The following DROSHA variants were observed in gnomAD, a reference collection of about 807,000 sequenced individuals.
DROSHA encodes the protein drosha ribonuclease III, also known as ribonuclease 3.
In DROSHA, 56 loss-of-function variants were observed where a neutral mutation model predicts 181.9. The observed-to-expected ratio is 0.31, with a 90% CI of 0.25 to 0.38. The LOEUF (loss-of-function observed/expected upper bound fraction) is 0.38. DROSHA is among the 10% of genes least tolerant of loss of function. DROSHA has a pLI of 1.00. For missense variants in DROSHA, 1,218 were observed against 1,743.5 expected, an observed-to-expected ratio of 0.70 and a Z score of 5.37; for synonymous variants, 524 against 591.2, an observed-to-expected ratio of 0.89 and a Z score of 1.65.
intron 17 of DROSHA, among the ~76,000 whole-genome samples, chr5:31,469,923 A>G (rs1012789775): frequency 6.6e-6 from 1 of 152,206 alleles, no homozygotes; most frequent in Non-Finnish European, 1.5e-5. Flanking sequence ...ATTTTTAATA[A>G]ATTTCCCAAT....
chr5:31,493,708 G>A (rs1194044043), intron 12 of DROSHA, among the ~76,000 whole-genome samples: 1 of 152,118 alleles, frequency 6.6e-6, no homozygotes, highest in Non-Finnish European at 1.5e-5. Context: ...GTGGAGACTA[G>A]CAACAGCCTA....
Position 31,479,571 on chromosome 5 carries a change from C to G in DROSHA, c.2071+3983G>C, listed in dbSNP as rs1406310417. Among the ~76,000 whole-genome samples, 3 of 151,992 alleles carry G rather than the reference C, an allele frequency of 2.0e-5. No individual in the cohort carries two copies. In the East Asian group the frequency reaches 5.8e-4, roughly 29 times the overall value. On this transcript the variant is annotated intron_variant, in intron 16 of 35. Coordinates refer to ENST00000344624, the MANE Select transcript of DROSHA (RefSeq NM_001382508.1). ...AATTTCATAAATATGATACAAAAAG[C>G]TCTAATCATAAAGGAATATATATCT...
intron 30 of DROSHA, among the ~76,000 whole-genome samples, chr5:31,415,867 C>G (rs1741877755): frequency 6.6e-6 from 1 of 152,170 alleles, no homozygotes; most frequent in Non-Finnish European, 1.5e-5. Flanking sequence ...CAATTTATAC[C>G]TTGACCCTAC....
intron 8 of DROSHA, among the ~76,000 whole-genome samples, chr5:31,512,221 T>C (rs1292291717): frequency 2.0e-5 from 3 of 152,172 alleles, no homozygotes; most frequent in African/African-American, 7.2e-5. Context: ...CCCATCTCAT[T>C]GTTGGGAGTG....
intron 23 of DROSHA, among the ~76,000 whole-genome samples, chr5:31,446,851 C>G (rs1338482898): frequency 6.6e-6 from 1 of 152,092 alleles, no homozygotes; most frequent in Admixed American, 6.6e-5. Context: ...ACCAGCCTGG[C>G]CAACATGGCG....
At chr5:31,447,324 A>C (rs1449290371) in intron 23 of DROSHA, among the ~76,000 whole-genome samples, 1 of 152,204 alleles carries the variant, frequency 6.6e-6, no homozygotes, top group Non-Finnish European at 1.5e-5. Flanking sequence ...CTGTACAACA[A>C]ACCCCCATGA....
At chr5:31,403,734 G>C (rs1051538271) in intron 35 of DROSHA, among the ~76,000 whole-genome samples, 1 of 152,194 alleles carries the variant, frequency 6.6e-6, no homozygotes. Flanking sequence ...CCAGTGGGCT[G>C]CAATGGCAGA....
At chr5:31,402,752 T>G (rs1740169414) in intron 35 of DROSHA, among the ~76,000 whole-genome samples, 1 of 152,198 alleles carries the variant, frequency 6.6e-6, no homozygotes, top group Non-Finnish European at 1.5e-5. Flanking sequence ...AGGTGGGGAA[T>G]CAGCAAAGAC....
chr5:31,505,042 T>A (rs985413532), intron 10 of DROSHA, among the ~76,000 whole-genome samples: 2 of 152,208 alleles, frequency 1.3e-5, no homozygotes, highest in Non-Finnish European at 2.9e-5. Context: ...GCGGATTCAA[T>A]GTTTCAAAAA....
chr5:31,473,133 A>T (rs1441257816), intron 16 of DROSHA, among the ~76,000 whole-genome samples: 1 of 152,252 alleles, frequency 6.6e-6, no homozygotes, highest in Non-Finnish European at 1.5e-5. Context: ...GGCTATGAAC[A>T]GTAGTACAGG....
At chr5:31,496,504 T>C (rs1752994052) in intron 11 of DROSHA, among the ~76,000 whole-genome samples, 1 of 152,200 alleles carries the variant, frequency 6.6e-6, no homozygotes, top group Admixed American at 6.5e-5. Context: ...GGTGCCCCAG[T>C]CCCATGGAGG....
chr5:31,472,576 C>A (rs578192476), intron 16 of DROSHA, among the ~76,000 whole-genome samples: 1 of 152,194 alleles, frequency 6.6e-6, no homozygotes, highest in African/African-American at 2.4e-5. Flanking sequence ...TATACAGAAC[C>A]ATGTTAGGTC....
chr5:31,530,531 G>A (rs1274870156), intron 3 of DROSHA, among the ~76,000 whole-genome samples: 4 of 148,932 alleles, frequency 2.7e-5, no homozygotes, highest in East Asian at 2.0e-4. Context: ...CTTTGCTCCC[G>A]TTCTCCTCTC....
At chr5:31,486,464 C>T in intron 14 of DROSHA, 27 bp downstream of exon 14, 1 of 1,607,506 alleles carries the variant, frequency 6.2e-7, no homozygotes, top group South Asian at 1.1e-5. Context: ...CAAACTACAT[C>T]AAACCACACA....
intron 13 of DROSHA, among the ~76,000 whole-genome samples, chr5:31,492,132 C>T (rs1448785218): frequency 3.3e-5 from 5 of 151,998 alleles, no homozygotes; most frequent in Non-Finnish European, 7.4e-5. Context: ...CAGATGGTCC[C>T]CCCGAAGAAA....
At position 31,409,445 on chromosome 5, in the gene DROSHA, C is replaced by T; in HGVS notation, c.3668-113G>A. The T allele has an allele frequency of 2.2e-6, 2 of 909,738 alleles. No individual in the cohort carries two copies. Among genetic ancestry groups the T allele is most frequent in the East Asian group, 2.7e-5 (1 of 37,478 alleles). The allele number at this position is 909,738 out of a possible 1,614,324, so 56.4% of individuals were successfully genotyped here. A position where few individuals can be genotyped will look rare whatever the true frequency, so the allele number is the denominator to read the frequency against. ...TAGTAATAGTTTCAACTTCCAGGCC[C>T]TCTTTATTTTTCAGTGCTACCATTT... On this transcript the variant is annotated intron_variant, in intron 31 of 35. Coordinates refer to ENST00000344624, the MANE Select transcript of DROSHA (RefSeq NM_001382508.1). The surrounding 1 kb of genome is among the most constrained non-coding windows in gnomAD (Gnocchi z 4.0).
intron 20 of DROSHA, among the ~76,000 whole-genome samples, chr5:31,455,278 A>C (rs1747518292): frequency 6.6e-6 from 1 of 152,096 alleles, no homozygotes. Flanking sequence ...TATATCTTAT[A>C]AGAAGATATA....
rs771600569 is a variant in DROSHA at position 31,469,311 on chromosome 5, C to T, written c.2242-1248G>A. Among the ~76,000 whole-genome samples the T allele has an allele frequency of 3.1e-4, 47 of 151,876 alleles. 1 individual carries two copies. The highest frequency in any genetic ancestry group is 1.0e-4 in the Non-Finnish European group (7 of 67,996). ...GGCGGAGGTTGTAGTGAGCTGAGAT[C>T]GCACCACTGTGCTCCAGCCTGGGCA... On this transcript the variant is annotated intron_variant, in intron 17 of 35. Transcript: ENST00000344624.
rs68049196 is a variant in DROSHA at position 31,514,228 on chromosome 5, AACACACACAC to A, written c.1290+750_1290+759del. 1.5e-4 allele frequency among the ~76,000 whole-genome samples: 23 copies of A among 148,414 alleles called. No individual in the cohort carries two copies. The South Asian group carries it at 2.6e-3, about 17-fold the overall frequency. ...CTTCCTTATTTTTCATTTTGGAGAA[AACACACACAC>A]ACACACACACACACACACACACATA... On this transcript the variant is annotated intron_variant, in intron 8 of 35. Transcript: ENST00000344624. The surrounding 1 kb of genome is among the most constrained non-coding windows in gnomAD (Gnocchi z 4.4).
Sources: allele counts gnomAD v4.1 joint callset (sites outside exome capture counted in the v4.1 genomes callset), GRCh38; gene constraint gnomAD v4.1.1; non-coding constraint Gnocchi (gnomAD v3.1); transcripts MANE v1.5; gene names NCBI Gene and HGNC (gene_info 2026-07-23, HGNC 2026-07-21).